Variants in SI observed in about 807,000 individuals in gnomAD.
The protein encoded by SI is sucrase-isomaltase.
Under a neutral mutation model 253.3 loss-of-function variants are expected in SI, and 235 were observed. The observed-to-expected ratio is 0.93, with a 90% CI of 0.83 to 1.03. The LOEUF (loss-of-function observed/expected upper bound fraction) is 1.03. Ranked by LOEUF, SI falls within the 50% of genes least tolerant of loss-of-function variation. The probability of loss-of-function intolerance (pLI) is 0.00; values close to 1 mark genes in which losing one functional copy is unlikely to be tolerated. For missense variants in SI, 2,442 were observed against 2,211.1 expected (o/e 1.10, Z -2.09); for synonymous variants, 819 against 712.0 (o/e 1.15, Z -2.39).
At chr3:165,026,061 C>G (rs545093522) in intron 25 of SI, among the ~76,000 whole-genome samples, 35 of 151,218 alleles carry the variant, frequency 2.3e-4, no homozygotes, top group African/African-American at 7.0e-4. Flanking sequence ...AACTATTCAC[C>G]AACCAACTAT....
At chr3:164,996,400 A>G (rs919145205) in intron 40 of SI, 135 bp downstream of exon 40, 9 of 654,206 alleles carry the variant, frequency 1.4e-5, no homozygotes, top group African/African-American at 3.7e-5. Context: ...AAGTTCCTCC[A>G]GACAATTTCC....
rs1717791345 is a variant in SI, at chr3:164,992,307, A to G, written c.4926+6T>C. On this transcript the variant is annotated splice_donor_region_variant and intron_variant, in intron 42 of 47. Transcript: ENST00000264382. ...TGTGTAAACAAAAATATGTGGTAGG[A>G]CTTACAGGTTCCAGTACTGGGGTAA... 1 of 1,612,298 alleles carries G rather than the reference A, an allele frequency of 6.2e-7. No homozygotes were observed. Among genetic ancestry groups the G allele is most frequent in the South Asian group, 1.1e-5 (1 of 91,056 alleles).
Position 165,032,604 on chromosome 3 carries a change from T to A in SI, c.2654A>T (p.Asp885Val), listed in dbSNP as rs1181426612. ...FQTVKILGLT[D>V]SVTEVRVAEN... The stretch of plus-strand genomic sequence containing the variant: ...CGCCACTCTAACTTCTGTAACACTG[T>A]CTGTCAACCCAAGGATTTTTACAGT... Residue 885 changes from aspartate to valine, a missense_variant, in exon 24 of 48, where the codon GAC becomes GTC. Coordinates refer to ENST00000264382, the MANE Select transcript of SI (RefSeq NM_001041.4). The A allele has an allele frequency of 1.2e-6, 2 of 1,608,972 alleles. No individual in the cohort carries two copies. Among genetic ancestry groups the A allele is most frequent in the South Asian group, 2.2e-5 (2 of 90,942 alleles).
At chr3:165,050,542 G>C (rs948559132) in intron 13 of SI, among the ~76,000 whole-genome samples, 8 of 152,114 alleles carry the variant, frequency 5.3e-5, no homozygotes, top group Middle Eastern at 3.4e-3. Context: ...CTGCCTGCTA[G>C]CTATGTGACC....
intron 47 of SI, among the ~76,000 whole-genome samples, chr3:164,981,177 AATTTT>A (rs1415120461): frequency 6.6e-6 from 1 of 152,028 alleles, no homozygotes; most frequent in East Asian, 1.9e-4. Flanking sequence ...AAAGTTGGGA[AATTTT>A]ATTTTATATT....
rs778876683 is a variant in SI, at chr3:165,036,803, T to C, written c.2427-326A>G. ...CAAACAAGAAAAATTAAATGTCTTA[T>C]TAAGGCTCAACTCAACCTGTGTAAT... On this transcript the variant is annotated intron_variant, in intron 21 of 47. Transcript: ENST00000264382. 7.3e-4 allele frequency among the ~76,000 whole-genome samples: 111 copies of C among 151,908 alleles called. 1 individual carries two copies. In the Middle Eastern group the frequency reaches 0.017, roughly 23 times the overall value.
At chr3:164,986,924 AG>A (rs1338257150) in intron 45 of SI, among the ~76,000 whole-genome samples, 8 of 152,212 alleles carry the variant, frequency 5.3e-5, no homozygotes, top group African/African-American at 1.9e-4. Flanking sequence ...CACTTACCAT[AG>A]GGATTGACTA....
the SI span, among the ~76,000 whole-genome samples, chr3:165,090,161 G>A: frequency 0.1 from 13,349 of 129,372 alleles, 765 homozygotes; most frequent in Non-Finnish European, 0.14. Flanking sequence ...AAAAAAAAAA[G>A]AGAGAGAGAG....
At chr3:165,001,390 A>C (rs1035872653) in intron 37 of SI, among the ~76,000 whole-genome samples, 1 of 151,516 alleles carries the variant, frequency 6.6e-6, no homozygotes. Flanking sequence ...TAGAAATATA[A>C]ATTTTCCCAA....
At chr3:165,037,553 A>G (rs1448961821) in intron 21 of SI, among the ~76,000 whole-genome samples, 2 of 151,988 alleles carry the variant, frequency 1.3e-5, no homozygotes, top group Non-Finnish European at 2.9e-5. Context: ...TGGAAATTCA[A>G]ATATGTAAAA....
At chr3:165,007,270 G>A (rs1718559141) in intron 36 of SI, among the ~76,000 whole-genome samples, 1 of 152,082 alleles carries the variant, frequency 6.6e-6, no homozygotes, top group East Asian at 1.9e-4. Context: ...AAAGCCCAGA[G>A]TTTAAGGGCT....
chr3:165,020,469 C>T (rs969305856), intron 27 of SI, among the ~76,000 whole-genome samples: 4 of 151,544 alleles, frequency 2.6e-5, no homozygotes, highest in African/African-American at 9.7e-5. Context: ...GAGAATAATG[C>T]TTGTCAAATG....
At chr3:164,981,422 T>TA (rs1267596655) in intron 47 of SI, among the ~76,000 whole-genome samples, 35 of 151,928 alleles carry the variant, frequency 2.3e-4, no homozygotes, top group East Asian at 5.8e-4. Flanking sequence ...TATATATATA[T>TA]TTTTTTAGGT....
chr3:165,047,099 C>T, intron 15 of SI, 87 bp from the exon 16 acceptor site: 3 of 1,088,814 alleles, frequency 2.8e-6, no homozygotes, highest in South Asian at 1.5e-5. Context: ...ATTCCAAAGC[C>T]ATGTGATATA....
Position 165,017,879 on chromosome 3 carries a change from A to T in SI, c.3521-6T>A. On this transcript the variant is annotated splice_region_variant and splice_polypyrimidine_tract_variant and intron_variant, in intron 29 of 47. Coordinates refer to ENST00000264382, the MANE Select transcript of SI (RefSeq NM_001041.4). The stretch of plus-strand genomic sequence containing the variant: ...AGTTGGCTGGAATGTAACATCTGGA[A>T]ATCCAAAATAACATCCCATTTTCAT... The T allele has an allele frequency of 1.2e-6, 2 of 1,604,718 alleles. No homozygotes were observed. The highest frequency in any genetic ancestry group is 1.7e-6 in the Non-Finnish European group (2 of 1,171,862).
In SI at chr3:165,069,158, C is replaced by T; in HGVS notation, c.293G>A (p.Trp98Ter). 6.2e-7 allele frequency: 1 copy of T among 1,613,442 alleles called. No individual in the cohort carries two copies. Among genetic ancestry groups the T allele is most frequent in the Non-Finnish European group, 8.5e-7 (1 of 1,179,642 alleles). ...GCACCAAGGAATAAGAGAGTCATTCCACGGCCTCCAGCAGCAGCCTCTCTG... is the reference window on the plus strand; with the variant it reads ...GCACCAAGGAATAAGAGAGTCATTCTACGGCCTCCAGCAGCAGCCTCTCTG... Reference protein sequence around the residue: ...CAQRGCCWRPWNDSLIPWCFF... With the variant: ...CAQRGCCWRP The change falls in exon 4 of 48, where the codon TGG (tryptophan) becomes TAG (stop). Residue 98 changes from tryptophan (W) to a stop codon, truncating the protein, a stop_gained. Transcript: ENST00000264382. LOFTEE classifies it high-confidence loss of function.
At chr3:164,985,382 G>A (rs539780295) in intron 45 of SI, among the ~76,000 whole-genome samples, 4 of 152,242 alleles carry the variant, frequency 2.6e-5, no homozygotes, top group Admixed American at 2.0e-4. Flanking sequence ...CAGTCATTGC[G>A]GTGATGAAGG....
chr3:165,072,454 A>T (rs184933406), intron 3 of SI, among the ~76,000 whole-genome samples: 6 of 152,164 alleles, frequency 3.9e-5, no homozygotes, highest in Admixed American at 3.9e-4. Flanking sequence ...ACAAAGTTTG[A>T]ATAAAAATCA....
At chr3:165,027,376 T>A (rs1711984800) in intron 25 of SI, among the ~76,000 whole-genome samples, 1 of 151,172 alleles carries the variant, frequency 6.6e-6, no homozygotes, top group South Asian at 2.1e-4. Context: ...TACCAGAAAT[T>A]CAAAGAATAA....
Sources: allele counts gnomAD v4.1 joint callset (sites outside exome capture counted in the v4.1 genomes callset), GRCh38; gene constraint gnomAD v4.1.1; transcripts MANE v1.5; gene names NCBI Gene and HGNC (gene_info 2026-07-23, HGNC 2026-07-21).